ZCCHC7: variants seen among roughly 807,000 people sequenced by gnomAD.
ZCCHC7 encodes the protein zinc finger CCHC-type containing 7.
Under a neutral mutation model 52.0 loss-of-function variants are expected in ZCCHC7, and 35 were observed. That is an observed-to-expected ratio of 0.67 (90% CI 0.51 to 0.89). The LOEUF is 0.89. Among genes scored for constraint, ZCCHC7 ranks in the 40% least tolerant of loss-of-function variants. The pLI is 0.00. For missense variants in ZCCHC7, 574 were observed against 649.1 expected, an observed-to-expected ratio of 0.88 and a Z score of 1.26; for synonymous variants, 217 against 221.5, an observed-to-expected ratio of 0.98 and a Z score of 0.18.
intron 2 of ZCCHC7, among the ~76,000 whole-genome samples, chr9:37,136,034 T>C (rs992615750): frequency 2.7e-5 from 4 of 150,288 alleles, no homozygotes; most frequent in African/African-American, 1.0e-4. Context: ...TCTTTACATA[T>C]GTGTTTTTTT....
intron 6 of ZCCHC7, among the ~76,000 whole-genome samples, chr9:37,329,809 A>C (rs1830385280): frequency 6.6e-6 from 1 of 151,858 alleles, no homozygotes. Context: ...CTCACACATG[A>C]ATGTTGAGTC....
intron 2 of ZCCHC7, among the ~76,000 whole-genome samples, chr9:37,172,828 A>G (rs141514315): frequency 1.3e-3 from 203 of 151,428 alleles, no homozygotes; most frequent in East Asian, 5.7e-3. Context: ...TGAGTGAGCA[A>G]TGTGGGCATT....
intron 2 of ZCCHC7, among the ~76,000 whole-genome samples, chr9:37,222,483 G>C (rs1457420398): frequency 1.3e-5 from 2 of 151,602 alleles, no homozygotes; most frequent in Non-Finnish European, 2.9e-5. Context: ...TTACATTTCT[G>C]CTCCATACTA....
chr9:37,202,253 TG>T (rs1419261693), intron 2 of ZCCHC7, among the ~76,000 whole-genome samples: 2 of 152,230 alleles, frequency 1.3e-5, no homozygotes, highest in Non-Finnish European at 2.9e-5. Flanking sequence ...ATAACATGCA[TG>T]TACAATAGTA....
chr9:37,182,991 C>T (rs1822451878), intron 2 of ZCCHC7, among the ~76,000 whole-genome samples: 1 of 152,064 alleles, frequency 6.6e-6, no homozygotes, highest in Non-Finnish European at 1.5e-5. Context: ...AGTGAGACCC[C>T]CAACTCTAAG....
intron 2 of ZCCHC7, among the ~76,000 whole-genome samples, chr9:37,165,577 T>C (rs1322995854): frequency 6.6e-6 from 1 of 152,236 alleles, no homozygotes; most frequent in Non-Finnish European, 1.5e-5. Context: ...AATTTTAATA[T>C]AGTGAATTAC....
intron 5 of ZCCHC7, among the ~76,000 whole-genome samples, chr9:37,307,579 C>T (rs896590942): frequency 2.0e-5 from 3 of 152,020 alleles, no homozygotes; most frequent in South Asian, 4.2e-4. Context: ...AGTCATGATA[C>T]GAAAGCAGAA....
chr9:37,153,520 C>T (rs1251094485), intron 2 of ZCCHC7, among the ~76,000 whole-genome samples: 1 of 151,774 alleles, frequency 6.6e-6, no homozygotes, highest in Non-Finnish European at 1.5e-5. Context: ...CACTCTGTTT[C>T]CCAGGCTGGT....
At chr9:37,290,373 A>C (rs533296194) in intron 2 of ZCCHC7, among the ~76,000 whole-genome samples, 2 of 152,254 alleles carry the variant, frequency 1.3e-5, no homozygotes, top group Non-Finnish European at 2.9e-5. Flanking sequence ...GTAAGAATTG[A>C]GGCCAGGTGC....
intron 5 of ZCCHC7, among the ~76,000 whole-genome samples, chr9:37,319,039 A>G (rs892049100): frequency 3.3e-5 from 5 of 150,940 alleles, no homozygotes; most frequent in Non-Finnish European, 7.4e-5. Flanking sequence ...TTTTATTTCT[A>G]TTGATCTTTA....
At position 37,304,198 on chromosome 9, in the gene ZCCHC7, C is replaced by G. The variant is rs1407389823; in HGVS notation, c.665C>G (p.Ala222Gly). Residue 222 changes from alanine (A) to glycine (G), a missense_variant, in exon 4 of 9, where the codon GCT (alanine) becomes GGT (glycine). Coordinates refer to ENST00000336755, the MANE Select transcript of ZCCHC7 (RefSeq NM_032226.3). ...ISDKDIEAQI[A>G]NNRTPGRWTQ... Reference sequence around the variant, plus strand: ...TTTTTTTTCCCTTAGGCCCAGATAGCTAATAACCGAACACCTGGAAGATGG... The same window carrying G: ...TTTTTTTTCCCTTAGGCCCAGATAGGTAATAACCGAACACCTGGAAGATGG... The G allele has an allele frequency of 5.6e-6, 9 of 1,609,940 alleles. No homozygotes were observed. The highest frequency in any genetic ancestry group is 7.6e-6 in the Non-Finnish European group (9 of 1,178,596).
intron 2 of ZCCHC7, among the ~76,000 whole-genome samples, chr9:37,215,139 C>T (rs1312537888): frequency 6.6e-6 from 1 of 151,978 alleles, no homozygotes; most frequent in Non-Finnish European, 1.5e-5. Flanking sequence ...ATTTAATTAC[C>T]CAAATGGCTT....
intron 2 of ZCCHC7, among the ~76,000 whole-genome samples, chr9:37,243,547 A>G (rs1318552227): frequency 1.3e-5 from 2 of 151,856 alleles, no homozygotes; most frequent in African/African-American, 4.8e-5. Context: ...TGTAAGTGCC[A>G]CAGAAACCAC....
At chr9:37,290,338 T>A (rs1828474234) in intron 2 of ZCCHC7, among the ~76,000 whole-genome samples, 1 of 152,122 alleles carries the variant, frequency 6.6e-6, no homozygotes, top group Non-Finnish European at 1.5e-5. Context: ...AAATTTTTTT[T>A]TATTTTGAGT....
Position 37,126,755 on chromosome 9 carries a change from A to G in ZCCHC7, c.423A>G (p.Lys141=), listed in dbSNP as rs933905679. 4.3e-6 allele frequency: 7 copies of G among 1,614,196 alleles called. No individual in the cohort carries two copies. The highest frequency in any genetic ancestry group is 1.7e-5 in the Admixed American group (1 of 60,026). ...KKCKSDIEKP[K]SEERSGVIRE... is the part of the protein sequence containing the mutation. The stretch of plus-strand genomic sequence containing the variant: ...GCAAGAGTGATATTGAGAAGCCTAA[A>G]TCTGAAGAGAGATCAGGTGTAATCC... The change falls in exon 2 of 9, where the codon AAA becomes AAG. Residue 141 remains lysine (K), a synonymous_variant. Transcript: ENST00000336755.
chr9:37,339,912 GA>G lies in ZCCHC7; in HGVS notation c.988-9443del, dbSNP rs1830841297. Among the ~76,000 whole-genome samples, 4 of 152,288 alleles carry G rather than the reference GA, an allele frequency of 2.6e-5. No individual in the cohort carries two copies. The South Asian group carries it at 8.3e-4, about 32-fold the overall frequency. ...AAAGTCAGTTTAGATAAGGGCAGCT[GA>G]AGGTCACAGAGGGAGATGCCCAGCA... On this transcript the variant is annotated intron_variant, in intron 6 of 8. Transcript: ENST00000336755.
intron 2 of ZCCHC7, among the ~76,000 whole-genome samples, chr9:37,180,190 A>C (rs1822271713): frequency 6.6e-6 from 1 of 152,162 alleles, no homozygotes; most frequent in Admixed American, 6.5e-5. Flanking sequence ...CATTGGTTTA[A>C]ATATGTAGCT....
intron 2 of ZCCHC7, among the ~76,000 whole-genome samples, chr9:37,269,705 G>A (rs1211806120): frequency 1.3e-5 from 2 of 150,612 alleles, no homozygotes; most frequent in African/African-American, 4.9e-5. Flanking sequence ...TGAGGTGACA[G>A]TGAAGAAAGA....
chr9:37,134,612 T>G (rs750567573), intron 2 of ZCCHC7, among the ~76,000 whole-genome samples: 1 of 152,264 alleles, frequency 6.6e-6, no homozygotes, highest in East Asian at 1.9e-4. Flanking sequence ...GTCGCCATCC[T>G]GTTCCTGCCC....
Sources: allele counts gnomAD v4.1 joint callset (sites outside exome capture counted in the v4.1 genomes callset), GRCh38; gene constraint gnomAD v4.1.1; transcripts MANE v1.5; gene names NCBI Gene and HGNC (gene_info 2026-07-23, HGNC 2026-07-21).